The following GPD2 variants were observed in gnomAD, a reference collection of about 807,000 sequenced individuals.
GPD2 encodes the protein glycerol-3-phosphate dehydrogenase 2.
A neutral mutation model predicts 82.4 loss-of-function variants in GPD2; 54 were observed. The observed-to-expected ratio is 0.66, with a 90% CI of 0.53 to 0.82. The LOEUF (loss-of-function observed/expected upper bound fraction) is 0.82, where lower values mean the gene tolerates loss of function less well. GPD2 is among the 40% of genes least tolerant of loss of function. GPD2 has a pLI of 0.00. For synonymous variants in GPD2, 288 were observed against 306.1 expected, an observed-to-expected ratio of 0.94 and a Z score of 0.62; for missense variants, 748 against 896.2, an observed-to-expected ratio of 0.83 and a Z score of 2.11.
At chr2:156,565,675 G>T (rs1687362090) in intron 9 of GPD2, among the ~76,000 whole-genome samples, 1 of 152,136 alleles carries the variant, frequency 6.6e-6, no homozygotes, top group East Asian at 1.9e-4. Context: ...TTATAGTTAT[G>T]TCAAGAGTGT....
intron 13 of GPD2, among the ~76,000 whole-genome samples, chr2:156,573,618 C>A (rs1490920242): frequency 6.6e-6 from 1 of 151,994 alleles, no homozygotes; most frequent in Non-Finnish European, 1.5e-5. Flanking sequence ...TGTGTTTGGC[C>A]CTACTAAGGA....
chr2:156,559,757 G>T (rs1233585084), intron 9 of GPD2, among the ~76,000 whole-genome samples: 1 of 152,036 alleles, frequency 6.6e-6, no homozygotes, highest in Non-Finnish European at 1.5e-5. Flanking sequence ...TGTGGTTAAG[G>T]TTTATACTCA....
At chr2:156,500,874 C>T (rs1256941592) in intron 3 of GPD2, among the ~76,000 whole-genome samples, 1 of 152,152 alleles carries the variant, frequency 6.6e-6, no homozygotes, top group Non-Finnish European at 1.5e-5. Flanking sequence ...CAGACTTCTC[C>T]TCACGTTCTC....
At chr2:156,411,404 C>T in the GPD2 span, among the ~76,000 whole-genome samples, 1 of 152,072 alleles carries the variant, frequency 6.6e-6, no homozygotes, top group Non-Finnish European at 1.5e-5. Flanking sequence ...CAACCTCCAC[C>T]TCCTGAATTC....
intron 6 of GPD2, among the ~76,000 whole-genome samples, chr2:156,539,604 G>C (rs1686225983): frequency 6.6e-6 from 1 of 152,202 alleles, no homozygotes; most frequent in African/African-American, 2.4e-5. Flanking sequence ...GCTGCCTCCA[G>C]TTAGAATTCC....
chr2:156,407,310 ATC>A, the GPD2 span, among the ~76,000 whole-genome samples: 2 of 152,056 alleles, frequency 1.3e-5, no homozygotes, highest in African/African-American at 4.8e-5. Flanking sequence ...AATTTTTTTA[ATC>A]TCTTTTTTGA....
the GPD2 span, among the ~76,000 whole-genome samples, chr2:156,401,175 T>C: frequency 6.6e-6 from 1 of 152,172 alleles, no homozygotes; most frequent in South Asian, 2.1e-4. Flanking sequence ...AACCCGGGCC[T>C]CCCGCGTGGC....
At chr2:156,490,725 C>T (rs973398078) in intron 2 of GPD2, among the ~76,000 whole-genome samples, 6 of 152,136 alleles carry the variant, frequency 3.9e-5, no homozygotes, top group African/African-American at 1.2e-4. Context: ...GGACCAATTG[C>T]TTAACTTCTG....
At chr2:156,556,993 G>A (rs1008407155) in intron 8 of GPD2, among the ~76,000 whole-genome samples, 5 of 152,142 alleles carry the variant, frequency 3.3e-5, no homozygotes, top group Admixed American at 3.3e-4. Context: ...TTGAAAAAAG[G>A]CTGAAGACAT....
intron 6 of GPD2, among the ~76,000 whole-genome samples, chr2:156,543,140 T>C (rs1311624463): frequency 2.0e-5 from 3 of 152,182 alleles, no homozygotes; most frequent in African/African-American, 7.2e-5. Flanking sequence ...TCACCAAAGA[T>C]TTTGTGGTTG....
the GPD2 span, among the ~76,000 whole-genome samples, chr2:156,427,349 G>T: frequency 2.0e-5 from 3 of 152,216 alleles, no homozygotes; most frequent in Non-Finnish European, 4.4e-5. Context: ...TGAGGCTGTG[G>T]AAATAGTTAC....
intron 2 of GPD2, among the ~76,000 whole-genome samples, chr2:156,485,733 C>T (rs1683914709): frequency 6.6e-6 from 1 of 152,212 alleles, no homozygotes; most frequent in African/African-American, 2.4e-5. Context: ...TCTAGTGGGT[C>T]TGCCATGCTA....
the GPD2 span, among the ~76,000 whole-genome samples, chr2:156,428,869 G>A: frequency 6.6e-6 from 1 of 152,150 alleles, no homozygotes; most frequent in Admixed American, 6.5e-5. Context: ...GAGGAATGAA[G>A]GAGATTTGCT....
chr2:156,400,360 T>C, the GPD2 span, among the ~76,000 whole-genome samples: 3 of 152,242 alleles, frequency 2.0e-5, no homozygotes, highest in Non-Finnish European at 4.4e-5. Context: ...ACCGGGGTTC[T>C]ACCCGGCAGC....
At chr2:156,400,707 A>G in the GPD2 span, among the ~76,000 whole-genome samples, 45 of 152,340 alleles carry the variant, frequency 3.0e-4, no homozygotes, top group East Asian at 8.5e-3. Context: ...ATCTTAATAC[A>G]GTAATTTGAC....
intron 12 of GPD2, 122 bp downstream of exon 12, chr2:156,570,340 G>A: frequency 1.2e-6 from 1 of 837,460 alleles, no homozygotes; most frequent in South Asian, 1.4e-5. Flanking sequence ...CTAAAACCAG[G>A]ACTACTATGT....
chr2:156,580,320 C>A (rs948924771), intron 16 of GPD2, among the ~76,000 whole-genome samples: 5 of 152,018 alleles, frequency 3.3e-5, no homozygotes, highest in African/African-American at 1.2e-4. Flanking sequence ...GGGTCAAGAC[C>A]ACATAATTTA....
chr2:156,478,360 C>T lies in GPD2; in HGVS notation c.102+2153C>T, dbSNP rs752297318. Among the ~76,000 whole-genome samples, 123 of 152,286 alleles carry T rather than the reference C, an allele frequency of 8.1e-4. 1 individual carries two copies. The highest frequency in any genetic ancestry group is 2.8e-3 in the African/African-American group (118 of 41,546). On this transcript the variant is annotated intron_variant, in intron 2 of 16. Coordinates refer to ENST00000438166, the MANE Select transcript of GPD2 (RefSeq NM_000408.5). ...TGACAAGTTCTGTTGAAAAAGATTA[C>T]TACAGGCATATGCAATCAATGAGTT...
At chr2:156,481,253 A>T (rs1040795319) in intron 2 of GPD2, among the ~76,000 whole-genome samples, 7 of 152,148 alleles carry the variant, frequency 4.6e-5, no homozygotes, top group African/African-American at 1.7e-4. Context: ...GTAACGATCA[A>T]ATCAGGGTAA....
Sources: gnomAD v4.1 joint callset for allele counts (sites outside exome capture counted in the v4.1 genomes callset) on GRCh38, gnomAD v4.1.1 for gene constraint, MANE v1.5 for transcripts, NCBI Gene and HGNC (gene_info 2026-07-23, HGNC 2026-07-21) for gene names.